Variants in PCDHGA1 observed in about 807,000 individuals in gnomAD.
The protein encoded by PCDHGA1 is protocadherin gamma-A1.
Under a neutral mutation model 58.0 loss-of-function variants are expected in PCDHGA1, and 32 were observed. That is an observed-to-expected ratio of 0.55 (90% CI 0.42 to 0.74). The LOEUF (loss-of-function observed/expected upper bound fraction) is 0.74. Ranked by LOEUF, PCDHGA1 falls within the 30% of genes least tolerant of loss-of-function variation. The pLI is 0.00. For synonymous variants in PCDHGA1, 498 were observed against 501.1 expected, an observed-to-expected ratio of 0.99 and a Z score of 0.08; for missense variants, 1,205 against 1,182.3, an observed-to-expected ratio of 1.02 and a Z score of -0.28.
At chr5:141,352,616 T>G in intron 1 of PCDHGA1, 1 of 1,613,310 alleles carries the variant, frequency 6.2e-7, no homozygotes, top group Non-Finnish European at 8.5e-7. Flanking sequence ...TATGGTTGTA[T>G]GTGCCAGTAA....
At position 141,431,337 on chromosome 5, in the gene PCDHGA1, A is replaced by C. The variant is rs1412811147; in HGVS notation, c.2422-63470A>C. On this transcript the variant is annotated intron_variant, in intron 1 of 3. Coordinates refer to ENST00000517417, the MANE Select transcript of PCDHGA1 (RefSeq NM_018912.3). The surrounding 1 kb of genome is among the most constrained non-coding windows in gnomAD (Gnocchi z 4.8). ...GGAGCCGACGGTAGTAAGTACCCCG[A>C]ATTGGTGCTGAAACGCGCCCTGGAC... 6.2e-7 allele frequency: 1 copy of C among 1,613,926 alleles called. No homozygotes were observed. The highest frequency in any genetic ancestry group is 1.7e-5 in the Admixed American group (1 of 60,006).
At position 141,486,047 on chromosome 5, in the gene PCDHGA1, C is replaced by G. The variant is rs763394605; in HGVS notation, c.2422-8760C>G. The G allele has an allele frequency of 3.1e-6, 5 of 1,614,172 alleles. No homozygotes were observed. The East Asian group carries it at 6.7e-5, about 22-fold the overall frequency. On this transcript the variant is annotated intron_variant, in intron 1 of 3. Transcript: ENST00000517417. This position sits in a 1 kb window ranked among gnomAD's most constrained non-coding sequence, Gnocchi z 5.0. ...TCATACCCCTGATCGTGTAAGAAAC[C>G]TCTTTAGCCTGCACCCCACTACTGG...
chr5:141,372,804 CA>C lies in PCDHGA1; in HGVS notation c.2421+39703del. The C allele has an allele frequency of 2.5e-6, 4 of 1,592,244 alleles. No homozygotes were observed. In the Middle Eastern group the frequency reaches 6.7e-4, roughly 266 times the overall value. On this transcript the variant is annotated intron_variant, in intron 1 of 3. Coordinates refer to ENST00000517417, the MANE Select transcript of PCDHGA1 (RefSeq NM_018912.3). ...AATGCCTTCTAATTCAGGCAATTTG[CA>C]AAAGGTGAGTTTCTTCAAACCTTTC...
intron 1 of PCDHGA1, chr5:141,398,887 A>T: frequency 6.2e-7 from 1 of 1,613,976 alleles, no homozygotes; most frequent in Non-Finnish European, 8.5e-7. Context: ...CCTTCGGGAA[A>T]ACGTGCCACC....
Position 141,330,977 on chromosome 5 carries a change from A to G in PCDHGA1, c.293A>G (p.Gln98Arg), listed in dbSNP as rs1304294770. Residue 98 changes from glutamine (Q) to arginine (R), a missense_variant, in exon 1 of 4, where the codon CAG (glutamine) becomes CGG (arginine). By Grantham distance (43) the Gln-to-Arg change is conservative. Transcript: ENST00000517417. The stretch of plus-strand genomic sequence containing the variant: ...ATAGACCGGGAGGAGCTCTGCGCTC[A>G]GAGCATGCCGTGTCTCGTGAGTTTT... The part of the protein sequence containing the change: ...RRIDREELCA[Q>R]SMPCLVSFNI... 1.9e-6 allele frequency: 3 copies of G among 1,614,120 alleles called. No homozygotes were observed. The highest frequency in any genetic ancestry group is 2.5e-6 in the Non-Finnish European group (3 of 1,180,056).
chr5:141,486,189 A>T lies in PCDHGA1; in HGVS notation c.2422-8618A>T, dbSNP rs761466492. 6.2e-7 allele frequency: 1 copy of T among 1,614,062 alleles called. No individual in the cohort carries two copies. Among genetic ancestry groups the T allele is most frequent in the Non-Finnish European group, 8.5e-7 (1 of 1,179,994 alleles). ...GAGCAACATTGCAGCCTTCGAGTGG[A>T]TCTGCTGGACGTAAATGACAATGCC... is the stretch of plus-strand genomic sequence containing the variant. On this transcript the variant is annotated intron_variant, in intron 1 of 3. Coordinates refer to ENST00000517417, the MANE Select transcript of PCDHGA1 (RefSeq NM_018912.3). The surrounding 1 kb of genome is among the most constrained non-coding windows in gnomAD (Gnocchi z 5.0).
chr5:141,356,446 T>C, intron 1 of PCDHGA1: 1 of 1,612,712 alleles, frequency 6.2e-7, no homozygotes, highest in Non-Finnish European at 8.5e-7. Flanking sequence ...GGAAGAAGTC[T>C]CAGAATATAA....
chr5:141,398,111 T>C, intron 1 of PCDHGA1: 1 of 1,594,080 alleles, frequency 6.3e-7, no homozygotes, highest in East Asian at 2.2e-5. Context: ...GTGAGCAAGC[T>C]GAGGAGAGCA....
intron 1 of PCDHGA1, chr5:141,375,406 T>A: frequency 6.2e-7 from 1 of 1,613,968 alleles, no homozygotes; most frequent in Admixed American, 1.7e-5. Flanking sequence ...TCTCTCTAAA[T>A]GTGGCAGACA....
At chr5:141,372,987 A>T (rs1769224200) in intron 1 of PCDHGA1, 5 of 640,814 alleles carry the variant, frequency 7.8e-6, no homozygotes, top group Non-Finnish European at 1.0e-5. Flanking sequence ...TCTGTGTTGC[A>T]GTTGTTCTTT....
chr5:141,432,133 C>T lies in PCDHGA1; in HGVS notation c.2422-62674C>T, dbSNP rs1468632362. The stretch of plus-strand genomic sequence containing the variant: ...CGGTCTTCCCTCAGGCCTCCTATTC[C>T]GCTTATATCCCAGAGAACAATCCCA... On this transcript the variant is annotated intron_variant, in intron 1 of 3. Transcript: ENST00000517417. This position sits in a 1 kb window ranked among gnomAD's most constrained non-coding sequence, Gnocchi z 6.0. 9 of 1,614,142 alleles carry T rather than the reference C, an allele frequency of 5.6e-6. No homozygotes were observed. The highest frequency in any genetic ancestry group is 1.6e-4 in the Middle Eastern group (1 of 6,062).
In PCDHGA1 at chr5:141,432,601, G is replaced by A. The variant is rs1313279772; in HGVS notation, c.2422-62206G>A. The A allele has an allele frequency of 5.6e-6, 9 of 1,613,950 alleles. No homozygotes were observed. Among genetic ancestry groups the A allele is most frequent in the Admixed American group, 1.7e-5 (1 of 60,030 alleles). On this transcript the variant is annotated intron_variant, in intron 1 of 3. Transcript: ENST00000517417. The surrounding 1 kb of genome is among the most constrained non-coding windows in gnomAD (Gnocchi z 6.0). ...ACCGTCTGCTCAAGGCCAGCGAGCC[G>A]GGACTCTTCTCGGTGGGTCTGCACA...
chr5:141,396,477 A>C (rs920260792), intron 1 of PCDHGA1: 1 of 152,040 alleles, frequency 6.6e-6, no homozygotes, highest in Non-Finnish European at 1.5e-5. Context: ...AAAATTAGCC[A>C]GGCATGGTGG....
rs1363636662 is a variant in PCDHGA1, at chr5:141,356,692, G to C, written c.2421+23587G>C. ...CTCCCTGGCCGAAGACACCTTCCAG[G>C]GTGCACCTCTGTCCTCCTATGTCTC... On this transcript the variant is annotated intron_variant, in intron 1 of 3. Transcript: ENST00000517417. The C allele has an allele frequency of 1.2e-6, 2 of 1,613,832 alleles. No homozygotes were observed. Among genetic ancestry groups the C allele is most frequent in the African/African-American group, 2.7e-5 (2 of 74,892 alleles).
At chr5:141,346,448 C>A in intron 1 of PCDHGA1, 1 of 1,614,228 alleles carries the variant, frequency 6.2e-7, no homozygotes, top group Non-Finnish European at 8.5e-7. Context: ...GAGATTCCAA[C>A]CTACTTCAGG....
intron 1 of PCDHGA1, chr5:141,371,516 A>G: frequency 6.2e-7 from 1 of 1,613,882 alleles, no homozygotes. Flanking sequence ...CACATGATCT[A>G]GATTCTGGAT....
intron 1 of PCDHGA1, among the ~76,000 whole-genome samples, chr5:141,349,451 CATGT>C (rs1758296704): frequency 6.6e-6 from 1 of 152,086 alleles, no homozygotes; most frequent in Non-Finnish European, 1.5e-5. Flanking sequence ...TTCATAAAAG[CATGT>C]ATGTGTACCC....
intron 1 of PCDHGA1, among the ~76,000 whole-genome samples, chr5:141,480,874 G>A (rs1487409799): frequency 2.6e-5 from 4 of 151,950 alleles, no homozygotes; most frequent in African/African-American, 7.3e-5. Context: ...GTGAAACCCC[G>A]TCTCTACTAA....
intron 1 of PCDHGA1, among the ~76,000 whole-genome samples, chr5:141,369,043 C>A (rs187962324): frequency 6.6e-6 from 1 of 152,148 alleles, no homozygotes; most frequent in Non-Finnish European, 1.5e-5. Flanking sequence ...TTTAGAGTAA[C>A]AATACATTAT....
Sources: gnomAD v4.1 joint callset for allele counts (sites outside exome capture counted in the v4.1 genomes callset) on GRCh38, gnomAD v4.1.1 for gene constraint, Gnocchi (gnomAD v3.1) non-coding constraint, MANE v1.5 for transcripts, NCBI Gene and HGNC (gene_info 2026-07-23, HGNC 2026-07-21) for gene names.